The following RRP1 variants were observed in gnomAD, a reference collection of about 807,000 sequenced individuals.
The protein encoded by RRP1 is ribosomal RNA processing 1, also known as ribosomal RNA processing protein 1 homolog A.
RRP1 carries 37 observed loss-of-function variants against 54.6 expected under a neutral mutation model. That is an observed-to-expected ratio of 0.68 (90% confidence interval 0.52 to 0.89). RRP1 has a LOEUF of 0.89. RRP1 is among the 40% of genes least tolerant of loss of function. The pLI is 0.00. For missense variants in RRP1, 639 were observed against 612.5 expected (o/e 1.04, Z -0.46); for synonymous variants, 262 against 244.3 (o/e 1.07, Z -0.67).
rs2085062117 is a variant in RRP1 at position 43,799,552 on chromosome 21, G to A, written c.812-18G>A. The A allele has an allele frequency of 6.2e-7, 1 of 1,607,484 alleles. No individual in the cohort carries two copies. The highest frequency in any genetic ancestry group is 8.5e-7 in the Non-Finnish European group (1 of 1,178,418). The stretch of plus-strand genomic sequence containing the variant: ...ACGTTGGGCACAGGTAGGGTTCACG[G>A]GGTCCCTTTTGTTCCAGGCTCCATC... On this transcript the variant is annotated intron_variant, in intron 8 of 12. Transcript: ENST00000497547.
At chr21:43,794,994 A>G (rs2085003053) in intron 4 of RRP1, among the ~76,000 whole-genome samples, 195 bp from the exon 5 acceptor site, 1 of 152,152 alleles carries the variant, frequency 6.6e-6, no homozygotes, top group African/African-American at 2.4e-5. Flanking sequence ...TTCTCAGCCC[A>G]GGGTTCTGAG....
At chr21:43,801,826 G>A (rs910011212) in intron 11 of RRP1, among the ~76,000 whole-genome samples, 6 of 152,198 alleles carry the variant, frequency 3.9e-5, no homozygotes, top group South Asian at 4.1e-4. Context: ...CAGGTTGAGC[G>A]TCTCTAATCT....
At chr21:43,789,840 G>A (rs2084938350) in intron 1 of RRP1, 78 bp downstream of exon 1, 5 of 1,400,194 alleles carry the variant, frequency 3.6e-6, no homozygotes. Context: ...GGCCGGAGCT[G>A]GGGGCCCTCC....
chr21:43,798,203 T>C, intron 8 of RRP1, 103 bp downstream of exon 8: 2 of 967,200 alleles, frequency 2.1e-6, no homozygotes, highest in Non-Finnish European at 3.0e-6. Flanking sequence ...CTGGTCCCCT[T>C]GTCTCTGCCC....
rs763679263 is a variant in RRP1, at chr21:43,797,983, C to A, written c.694C>A (p.Leu232Ile). ...VEQAPLAIED[L>I]LNELDTQDEE... Reference sequence around the variant, plus strand: ...GCAGGCCCCGCTTGCCATTGAAGACCTCCTGAATGAACTGGACACACAGGA... The same window carrying A: ...GCAGGCCCCGCTTGCCATTGAAGACATCCTGAATGAACTGGACACACAGGA... The change falls in exon 8 of 13, where the codon CTC becomes ATC. Residue 232 changes from leucine (L) to isoleucine (I), a missense_variant. Coordinates refer to ENST00000497547, the MANE Select transcript of RRP1 (RefSeq NM_003683.6). 5 of 1,614,178 alleles carry A rather than the reference C, an allele frequency of 3.1e-6. No individual in the cohort carries two copies. The Admixed American group carries it at 6.7e-5, about 22-fold the overall frequency.
intron 5 of RRP1, among the ~76,000 whole-genome samples, chr21:43,795,719 T>G (rs1339435430): frequency 6.6e-6 from 1 of 152,244 alleles, no homozygotes; most frequent in Non-Finnish European, 1.5e-5. Flanking sequence ...CACGTAATTT[T>G]TGTATCTTTT....
intron 4 of RRP1, among the ~76,000 whole-genome samples, chr21:43,794,291 G>A (rs2084992563): frequency 6.6e-6 from 1 of 152,156 alleles, no homozygotes; most frequent in South Asian, 2.1e-4. Flanking sequence ...AGACTCTTAG[G>A]GACAATGGGG....
intron 11 of RRP1, among the ~76,000 whole-genome samples, chr21:43,801,228 G>A (rs2123421145): frequency 6.6e-6 from 1 of 152,320 alleles, no homozygotes; most frequent in East Asian, 1.9e-4. Context: ...ACTGGCATAG[G>A]TTATCGGAAG....
chr21:43,789,882 G>A, intron 1 of RRP1, 120 bp downstream of exon 1: 3 of 1,232,930 alleles, frequency 2.4e-6, no homozygotes, highest in Non-Finnish European at 3.2e-6. Context: ...TGGCCGGGCC[G>A]GGCAGGCGGG....
At chr21:43,791,287 C>T (rs2084954697) in intron 1 of RRP1, 63 bp from the exon 2 acceptor site, 3 of 1,559,292 alleles carry the variant, frequency 1.9e-6, no homozygotes, top group Non-Finnish European at 2.7e-6. Context: ...GTTTCTGTGG[C>T]TTCCTTTCTG....
At chr21:43,791,231 G>T (rs1478419334) in intron 1 of RRP1, 119 bp from the exon 2 acceptor site, 4 of 1,015,432 alleles carry the variant, frequency 3.9e-6, no homozygotes, top group Non-Finnish European at 6.2e-6. Flanking sequence ...CTGCCCCCCA[G>T]TTGCCTTTAC....
chr21:43,790,837 C>T, intron 1 of RRP1: 1 of 361,962 alleles, frequency 2.8e-6, no homozygotes, highest in Non-Finnish European at 5.5e-6. Flanking sequence ...GATCCTGCCT[C>T]AGCACTCAAT....
rs2085121035 is a variant in RRP1, at chr21:43,804,121, TGTCCTACGG to T, written c.*348_*356del. 7.5e-6 allele frequency: 2 copies of T among 268,160 alleles called. No individual in the cohort carries two copies. The highest frequency in any genetic ancestry group is 4.4e-5 in the African/African-American group (2 of 45,396). 16.6% of individuals were successfully genotyped at this position (268,160 alleles called of 1,614,324 possible). On this transcript the variant is annotated 3_prime_UTR_variant, in exon 13 of 13. Coordinates refer to ENST00000497547, the MANE Select transcript of RRP1 (RefSeq NM_003683.6). The surrounding 1 kb of genome is among the most constrained non-coding windows in gnomAD (Gnocchi z 4.3). ...GCCAGGGGAAGTGTCGCTTCAGGTGTGTCCTACGGACGTGTGGGAGGTGGCAGGCGCCAG... is the reference window on the plus strand; with the variant it reads ...GCCAGGGGAAGTGTCGCTTCAGGTGTACGTGTGGGAGGTGGCAGGCGCCAG...
At chr21:43,791,051 G>A (rs2276246) in intron 1 of RRP1, 111,120 of 511,324 alleles carry the variant, frequency 0.22, 14,177 homozygotes, top group East Asian at 0.46. Flanking sequence ...TTAGGAAACC[G>A]TCAAGGTTCG....
Position 43,804,002 on chromosome 21 carries a change from G to T in RRP1, c.*228G>T. 1.9e-6 allele frequency: 1 copy of T among 527,006 alleles called. No individual in the cohort carries two copies. The highest frequency in any genetic ancestry group is 3.2e-6 in the Non-Finnish European group (1 of 310,032). The allele number at this position is 527,006 out of a possible 1,614,324, so 32.6% of individuals were successfully genotyped here. On this transcript the variant is annotated 3_prime_UTR_variant, in exon 13 of 13. Transcript: ENST00000497547. The surrounding 1 kb of genome is among the most constrained non-coding windows in gnomAD (Gnocchi z 4.3). ...CTGTGGCTGTGATGACCTTGGGCCA[G>T]AAGGTCAAACTCCGAAGACTGAAAC...
In RRP1 at chr21:43,797,674, G is replaced by C. The variant is rs1486454584; in HGVS notation, c.596G>C (p.Arg199Thr). Reference protein sequence around the residue: ...QNLKFIDPFCRIAARTKDSLV... With the variant: ...QNLKFIDPFCTIAARTKDSLV... ...CTGAAGTTCATCGACCCCTTCTGCA[G>C]AATTGCTGCCCGGACCAAGGAGTAA... Residue 199 changes from arginine to threonine, a missense_variant, in exon 7 of 13, where the codon AGA becomes ACA. Arg to Thr is a moderately conservative substitution (Grantham distance 71). Coordinates refer to ENST00000497547, the MANE Select transcript of RRP1 (RefSeq NM_003683.6). 1 of 1,614,058 alleles carries C rather than the reference G, an allele frequency of 6.2e-7. No individual in the cohort carries two copies. The highest frequency in any genetic ancestry group is 8.5e-7 in the Non-Finnish European group (1 of 1,180,040).
In RRP1 at chr21:43,793,358, GC is replaced by G; in HGVS notation, c.315del (p.Glu106SerfsTer21). 6.2e-7 allele frequency: 1 copy of G among 1,614,050 alleles called. No individual in the cohort carries two copies. The highest frequency in any genetic ancestry group is 8.5e-7 in the Non-Finnish European group (1 of 1,180,020). ...CAGGCCTTCTGGCAGACCATGAATC[GC>G]GAGTGGACGGGCATTGACAGGCTGC... Reference protein sequence around the residue: ...FLQAFWQTMNREWTGIDRLRL... With the variant: ...FLQAFWQTMNXEWTGIDRLRL... On this transcript the variant is annotated frameshift_variant, in exon 4 of 13. Coordinates refer to ENST00000497547, the MANE Select transcript of RRP1 (RefSeq NM_003683.6). LOFTEE classifies it high-confidence loss of function.
At chr21:43,794,597 G>A (rs1177140511) in intron 4 of RRP1, among the ~76,000 whole-genome samples, 4 of 152,194 alleles carry the variant, frequency 2.6e-5, no homozygotes, top group African/African-American at 9.7e-5. Context: ...CACTCTGGGC[G>A]TGTGGGCATG....
chr21:43,800,411 A>G (rs1468905427), intron 9 of RRP1, 106 bp from the exon 10 acceptor site: 1 of 976,588 alleles, frequency 1.0e-6, no homozygotes, highest in African/African-American at 1.6e-5. Context: ...CGGGTGGAGA[A>G]CCTGCAAGTG....
Sources: gnomAD v4.1 joint callset for allele counts (sites outside exome capture counted in the v4.1 genomes callset) on GRCh38, gnomAD v4.1.1 for gene constraint, Gnocchi (gnomAD v3.1) non-coding constraint, MANE v1.5 for transcripts, NCBI Gene and HGNC (gene_info 2026-07-23, HGNC 2026-07-21) for gene names.